ZCCHC7: variants seen among roughly 807,000 people sequenced by gnomAD.
ZCCHC7 encodes the protein zinc finger CCHC-type containing 7.
In ZCCHC7, 35 loss-of-function variants were observed where a neutral mutation model predicts 52.0. That is an observed-to-expected ratio of 0.67 (90% confidence interval 0.51 to 0.89). The LOEUF (loss-of-function observed/expected upper bound fraction) is 0.89, where lower values mean the gene tolerates loss of function less well. ZCCHC7 is among the 40% of genes least tolerant of loss of function. ZCCHC7 has a pLI of 0.00. For missense variants in ZCCHC7, 574 were observed against 649.1 expected, an observed-to-expected ratio of 0.88 and a Z score of 1.26; for synonymous variants, 217 against 221.5, an observed-to-expected ratio of 0.98 and a Z score of 0.18.
chr9:37,225,151 A>G (rs967982209), intron 2 of ZCCHC7, among the ~76,000 whole-genome samples: 5 of 152,230 alleles, frequency 3.3e-5, no homozygotes, highest in Admixed American at 3.3e-4. Context: ...AATTACCATC[A>G]TTAGTAATGC....
At chr9:37,133,523 C>G (rs1325250012) in intron 2 of ZCCHC7, among the ~76,000 whole-genome samples, 1 of 151,722 alleles carries the variant, frequency 6.6e-6, no homozygotes, top group African/African-American at 2.4e-5. Flanking sequence ...ATGCAGGTAC[C>G]TGCCACCATG....
At chr9:37,322,540 T>A (rs1588669985) in intron 5 of ZCCHC7, among the ~76,000 whole-genome samples, 1 of 151,858 alleles carries the variant, frequency 6.6e-6, no homozygotes, top group African/African-American at 2.4e-5. Flanking sequence ...ATTTTAAGAT[T>A]TTTGTATTCC....
At chr9:37,264,833 A>G (rs1209048406) in intron 2 of ZCCHC7, among the ~76,000 whole-genome samples, 1 of 152,172 alleles carries the variant, frequency 6.6e-6, no homozygotes, top group African/African-American at 2.4e-5. Flanking sequence ...AACTCTCATC[A>G]GAGAAGTAAA....
Position 37,247,918 on chromosome 9 carries a change from A to AAAT in ZCCHC7, c.611-54249_611-54247dup, listed in dbSNP as rs922086333. 3.2e-3 allele frequency among the ~76,000 whole-genome samples: 489 copies of AAAT among 151,616 alleles called. 2 individuals carry two copies. Among genetic ancestry groups the AAAT allele is most frequent in the African/African-American group, 0.01 (429 of 41,362 alleles). ...CCTGTCTCAAAAAAAGTAAAAGTAA[A>AAAT]AATAATAATAATAATAATAATAAAG... On this transcript the variant is annotated intron_variant, in intron 2 of 8. Coordinates refer to ENST00000336755, the MANE Select transcript of ZCCHC7 (RefSeq NM_032226.3).
At chr9:37,203,129 C>T (rs1823721249) in intron 2 of ZCCHC7, among the ~76,000 whole-genome samples, 1 of 152,124 alleles carries the variant, frequency 6.6e-6, no homozygotes, top group Admixed American at 6.5e-5. Flanking sequence ...AATCTAGTCC[C>T]ATATCTGCTT....
At chr9:37,159,081 T>A (rs561495606) in intron 2 of ZCCHC7, among the ~76,000 whole-genome samples, 5 of 152,358 alleles carry the variant, frequency 3.3e-5, no homozygotes, top group African/African-American at 1.2e-4. Flanking sequence ...AAAAGTTGAT[T>A]TGCATGCTGT....
chr9:37,314,051 G>A (rs191413011), intron 5 of ZCCHC7, among the ~76,000 whole-genome samples: 418 of 152,172 alleles, frequency 2.7e-3, no homozygotes, highest in Non-Finnish European at 4.2e-3. Context: ...TCAACTCTCC[G>A]TATAGTACAT....
intron 2 of ZCCHC7, among the ~76,000 whole-genome samples, chr9:37,183,104 ATATT>A (rs1822457303): frequency 6.6e-6 from 1 of 152,252 alleles, no homozygotes; most frequent in African/African-American, 2.4e-5. Flanking sequence ...AAATGTAAAT[ATATT>A]CTATCAAAAA....
intron 5 of ZCCHC7, chr9:37,327,281 CTTG>C (rs540516330): frequency 1.3e-4 from 19 of 146,172 alleles, no homozygotes; most frequent in African/African-American, 3.7e-4. Flanking sequence ...CGTTTTTGTT[CTTG>C]TTGTTTTTAA....
At position 37,357,625 on chromosome 9, in the gene ZCCHC7, G is replaced by T. The variant is rs953406397; in HGVS notation, c.*357G>T. The T allele has an allele frequency of 4.4e-5, 7 of 157,568 alleles. No individual in the cohort carries two copies. The highest frequency in any genetic ancestry group is 7.3e-5 in the African/African-American group (3 of 41,348). The allele number at this position is 157,568 out of a possible 1,614,324, so 9.8% of individuals were successfully genotyped here. A position where few individuals can be genotyped will look rare whatever the true frequency, so the allele number is the denominator to read the frequency against. On this transcript the variant is annotated 3_prime_UTR_variant, in exon 9 of 9. Transcript: ENST00000336755. ...TAATTTATCCTCAAATTAAATCCTT[G>T]CAGGAAGAGAAATTAACACTAAGAA... is the stretch of plus-strand genomic sequence containing the variant.
chr9:37,226,500 T>C (rs1825111587), intron 2 of ZCCHC7, among the ~76,000 whole-genome samples: 1 of 152,164 alleles, frequency 6.6e-6, no homozygotes, highest in Admixed American at 6.5e-5. Context: ...AACCGCAGGA[T>C]AGTATTGTGA....
intron 2 of ZCCHC7, among the ~76,000 whole-genome samples, chr9:37,265,531 T>G (rs1827064657): frequency 6.6e-6 from 1 of 152,218 alleles, no homozygotes; most frequent in Non-Finnish European, 1.5e-5. Context: ...AAGTCTTGTT[T>G]ATGTTTCTCT....
chr9:37,134,845 C>T (rs1465820885), intron 2 of ZCCHC7, among the ~76,000 whole-genome samples: 1 of 152,170 alleles, frequency 6.6e-6, no homozygotes. Flanking sequence ...TCTGCCTCAG[C>T]CTCCCGAGTA....
intron 2 of ZCCHC7, among the ~76,000 whole-genome samples, chr9:37,159,361 C>T (rs1459612753): frequency 1.3e-5 from 2 of 151,892 alleles, no homozygotes; most frequent in African/African-American, 4.8e-5. Context: ...TGTTATATTA[C>T]CCTGTAACAT....
At chr9:37,235,559 CTCCCTTCCCTTCCCT>C (rs918971149) in intron 2 of ZCCHC7, among the ~76,000 whole-genome samples, 2 of 109,784 alleles carry the variant, frequency 1.8e-5, no homozygotes, top group African/African-American at 3.4e-5. Flanking sequence ...CTCCCCTCCC[CTCCCTTCCCTTCCCT>C]TCCCTTCCCT....
intron 2 of ZCCHC7, among the ~76,000 whole-genome samples, chr9:37,220,284 T>TA (rs1354673955): frequency 6.6e-6 from 1 of 152,196 alleles, no homozygotes; most frequent in East Asian, 1.9e-4. Flanking sequence ...CTCATGCCTG[T>TA]AATCCCAGCA....
At chr9:37,127,239 CCTCT>C (rs912394177) in intron 2 of ZCCHC7, among the ~76,000 whole-genome samples, 3 of 152,076 alleles carry the variant, frequency 2.0e-5, no homozygotes, top group Non-Finnish European at 4.4e-5. Context: ...TTACTTCCCC[CCTCT>C]CTCTCTGCTT....
At chr9:37,255,809 TGTG>T (rs915262902) in intron 2 of ZCCHC7, among the ~76,000 whole-genome samples, 1 of 152,140 alleles carries the variant, frequency 6.6e-6, no homozygotes, top group African/African-American at 2.4e-5. Context: ...ATAGATGACT[TGTG>T]GTAGGTTCTA....
chr9:37,269,172 G>A (rs1010466784), intron 2 of ZCCHC7, among the ~76,000 whole-genome samples: 12 of 152,180 alleles, frequency 7.9e-5, no homozygotes, highest in Admixed American at 2.6e-4. Context: ...AGGGCAAGAT[G>A]AGGCTGGAAG....
Sources: gnomAD v4.1 joint callset for allele counts (sites outside exome capture counted in the v4.1 genomes callset) on GRCh38, gnomAD v4.1.1 for gene constraint, MANE v1.5 for transcripts, NCBI Gene and HGNC (gene_info 2026-07-23, HGNC 2026-07-21) for gene names.